The following DCHS2 variants were observed in gnomAD, a reference collection of about 807,000 sequenced individuals.
DCHS2 encodes protocadherin-23.
In DCHS2, 142 loss-of-function variants were observed where a neutral mutation model predicts 182.4. The observed-to-expected ratio is 0.78, with a 90% confidence interval of 0.68 to 0.89. The LOEUF (loss-of-function observed/expected upper bound fraction) is 0.89, where lower values mean the gene tolerates loss of function less well. Among genes scored for constraint, DCHS2 ranks in the 40% least tolerant of loss-of-function variants. The pLI is 0.00. For missense variants in DCHS2, 4,319 were observed against 4,198.6 expected (o/e 1.03, Z -0.79); for synonymous variants, 1,740 against 1,663.3 (o/e 1.05, Z -1.12).
At chr4:154,413,759 C>G (rs1732720827) in intron 1 of DCHS2, among the ~76,000 whole-genome samples, 1 of 152,202 alleles carries the variant, frequency 6.6e-6, no homozygotes, top group Admixed American at 6.5e-5. Flanking sequence ...CTTACCTGGC[C>G]TCCCTGTCCT....
rs139235484 is a variant in DCHS2, at chr4:154,234,645, G to C, written c.10007C>G (p.Thr3336Arg). 7 of 1,614,006 alleles carry C rather than the reference G, an allele frequency of 4.3e-6. No homozygotes were observed. The highest frequency in any genetic ancestry group is 5.9e-6 in the Non-Finnish European group (7 of 1,179,944). Residue 3336 changes from threonine (T) to arginine (R), a missense_variant, in exon 20 of 20, where the codon ACG becomes AGG. Physicochemically the swap from Thr to Arg is moderately conservative, Grantham distance 71. Transcript: ENST00000357232. ...TGGAGACAAGGCAGGAGGCTGCATC[G>C]TCAATAGGGAAAGAGATGGAGAAAA... ...PNFSPSLSLL[T>R]MQPPALSPLL...
Position 154,491,487 on chromosome 4 carries a change from C to T in DCHS2, c.-132G>A. On this transcript the variant is annotated 5_prime_UTR_variant, in exon 1 of 20. Transcript: ENST00000357232. ...TTTGTTTGGCAAACAAACCGACGGCCCAGGAATTCCCGAGGTTACATCTGC... is the reference window on the plus strand; with the variant it reads ...TTTGTTTGGCAAACAAACCGACGGCTCAGGAATTCCCGAGGTTACATCTGC... 7.1e-7 allele frequency: 1 copy of T among 1,406,680 alleles called. No individual in the cohort carries two copies. Among genetic ancestry groups the T allele is most frequent in the Non-Finnish European group, 9.2e-7 (1 of 1,086,156 alleles). 87.1% of individuals were successfully genotyped at this position (1,406,680 alleles called of 1,614,324 possible).
intron 1 of DCHS2, among the ~76,000 whole-genome samples, chr4:154,447,532 GT>G (rs1734352693): frequency 6.6e-6 from 1 of 152,052 alleles, no homozygotes; most frequent in African/African-American, 2.4e-5. Flanking sequence ...TATCTTTAGG[GT>G]TTTTGATATT....
Position 154,304,831 on chromosome 4 carries a change from T to C in DCHS2, c.5443A>G (p.Ile1815Val). ...TTTTCATCTTCAACAGTGCAGAGGA[T>C]TGTTGTGGTGCTGGACAATGAAGGG... ...GFPSLSSTTT[I>V]LCTVEDENDH... The change falls in exon 12 of 20, where the codon ATC becomes GTC. Residue 1815 changes from isoleucine (I) to valine (V), a missense_variant. Coordinates refer to ENST00000357232, the MANE Select transcript of DCHS2 (RefSeq NM_001358235.2). The C allele has an allele frequency of 6.2e-7, 1 of 1,613,744 alleles. No homozygotes were observed. Among genetic ancestry groups the C allele is most frequent in the African/African-American group, 1.3e-5 (1 of 74,998 alleles).
chr4:154,382,689 A>G (rs781585114), intron 1 of DCHS2, among the ~76,000 whole-genome samples: 1 of 152,202 alleles, frequency 6.6e-6, no homozygotes, highest in Non-Finnish European at 1.5e-5. Context: ...GGCAAAAGAC[A>G]TTAACAGACA....
intron 10 of DCHS2, among the ~76,000 whole-genome samples, chr4:154,307,874 A>C (rs1247024158): frequency 6.6e-6 from 1 of 152,122 alleles, no homozygotes; most frequent in East Asian, 1.9e-4. Flanking sequence ...TCCCAGAGAG[A>C]AAGGAGGCAT....
chr4:154,367,896 G>A (rs1010908549), intron 2 of DCHS2, among the ~76,000 whole-genome samples: 1 of 150,780 alleles, frequency 6.6e-6, no homozygotes, highest in African/African-American at 2.4e-5. Flanking sequence ...AGGAAGGTAA[G>A]ACAAACCCAG....
At chr4:154,271,002 G>T (rs1733564338) in intron 13 of DCHS2, among the ~76,000 whole-genome samples, 1 of 152,092 alleles carries the variant, frequency 6.6e-6, no homozygotes, top group Admixed American at 6.6e-5. Flanking sequence ...AATTCAGTTA[G>T]GTATAGGAAT....
chr4:154,450,801 A>G (rs1280700789), intron 1 of DCHS2, among the ~76,000 whole-genome samples: 1 of 152,092 alleles, frequency 6.6e-6, no homozygotes, highest in African/African-American at 2.4e-5. Flanking sequence ...CAGCCTGGGC[A>G]ACAAGAGTGA....
At position 154,489,499 on chromosome 4, in the gene DCHS2, C is replaced by T. The variant is rs760541474; in HGVS notation, c.1857G>A (p.Arg619=). The T allele has an allele frequency of 8.4e-6, 13 of 1,551,532 alleles. No individual in the cohort carries two copies. The East Asian group carries it at 2.2e-4, about 26-fold the overall frequency. ...DSESGAISTI[R]TLDREVQEAV... ...CCTCCTGGACCTCTCGGTCTAGAGT[C>T]CGGATAGTGCTGATCGCACCGCTTT... The change falls in exon 1 of 20, where the codon CGG becomes CGA. Residue 619 remains arginine, a synonymous_variant. Coordinates refer to ENST00000357232, the MANE Select transcript of DCHS2 (RefSeq NM_001358235.2).
chr4:154,298,124 C>T lies in DCHS2; in HGVS notation c.6190G>A (p.Asp2064Asn), dbSNP rs145643489. 482 of 1,614,010 alleles carry T rather than the reference C, an allele frequency of 3.0e-4. 2 individuals carry two copies. Among genetic ancestry groups the T allele is most frequent in the Middle Eastern group, 9.9e-4 (6 of 6,084 alleles). ...GTTCCATTGGGCCCCAAGTCCAGGT[C>T]ATCAGCTCTCACAATGACAGTTGTC... ...NQTTVIVRADDLDLGPNGTVV... is the reference protein window; with the variant it reads ...NQTTVIVRADNLDLGPNGTVV... Residue 2064 changes from aspartate to asparagine, a missense_variant, in exon 13 of 20, where the codon GAC becomes AAC. Physicochemically the swap from Asp to Asn is conservative, Grantham distance 23. Coordinates refer to ENST00000357232, the MANE Select transcript of DCHS2 (RefSeq NM_001358235.2).
intron 1 of DCHS2, among the ~76,000 whole-genome samples, chr4:154,400,787 C>CTT (rs1213914768): frequency 6.6e-6 from 1 of 152,142 alleles, no homozygotes; most frequent in Admixed American, 6.5e-5. Context: ...CACATTCGCT[C>CTT]TTTTTTTACC....
Position 154,236,308 on chromosome 4 carries a change from G to A in DCHS2, c.8344C>T (p.Leu2782=), listed in dbSNP as rs2111085209. The A allele has an allele frequency of 1.9e-6, 3 of 1,614,048 alleles. No homozygotes were observed. The highest frequency in any genetic ancestry group is 2.5e-6 in the Non-Finnish European group (3 of 1,179,960). The change falls in exon 20 of 20, where the codon CTG becomes TTG. Residue 2782 remains leucine (L), a synonymous_variant. Transcript: ENST00000357232. Reference sequence around the variant, plus strand: ...GAGCATATGGTAGAGGAAATAGGCAGATTTTCTGGAACAATACAGCTGAAG... The same window carrying A: ...GAGCATATGGTAGAGGAAATAGGCAAATTTTCTGGAACAATACAGCTGAAG... ...SSFSCIVPEN[L]PISSTICSIN...
intron 2 of DCHS2, chr4:154,373,870 A>T: frequency 6.8e-7 from 1 of 1,473,476 alleles, no homozygotes; most frequent in Non-Finnish European, 9.3e-7. Context: ...ACCCATTTCC[A>T]GGCACCAGAT....
At chr4:154,460,027 G>T (rs1734948096) in intron 1 of DCHS2, among the ~76,000 whole-genome samples, 1 of 152,108 alleles carries the variant, frequency 6.6e-6, no homozygotes, top group Non-Finnish European at 1.5e-5. Context: ...GAATAGCTCA[G>T]CAATACCAAG....
chr4:154,286,025 G>C (rs1734378394), intron 13 of DCHS2, among the ~76,000 whole-genome samples: 1 of 152,130 alleles, frequency 6.6e-6, no homozygotes, highest in African/African-American at 2.4e-5. Context: ...TCAGCACAGA[G>C]CAAAAGAATT....
At position 154,328,109 on chromosome 4, in the gene DCHS2, T is replaced by A. The variant is rs1404044340; in HGVS notation, c.4002A>T (p.Thr1334=). ...DPDEGNNAEV[T]YSVSSEDSSD... ...AAGTTTTACCTGAAGATACTGAGTA[T>A]GTAACTTCTGCATTATTTCCTTCAT... Residue 1334 remains threonine, a synonymous_variant, in exon 7 of 20, where the codon ACA becomes ACT. Coordinates refer to ENST00000357232, the MANE Select transcript of DCHS2 (RefSeq NM_001358235.2). 1.9e-6 allele frequency: 3 copies of A among 1,605,990 alleles called. No individual in the cohort carries two copies. The Admixed American group carries it at 5.1e-5, about 27-fold the overall frequency.
intron 13 of DCHS2, among the ~76,000 whole-genome samples, chr4:154,294,156 T>C (rs578167058): frequency 6.6e-6 from 1 of 152,308 alleles, no homozygotes; most frequent in South Asian, 2.1e-4. Flanking sequence ...GTAATCATGA[T>C]GGTGAAATGC....
chr4:154,491,211 A>C lies in DCHS2; in HGVS notation c.145T>G (p.Trp49Gly), dbSNP rs562977186. The part of the protein sequence containing the change: ...SGARTQRSLL[W>G]LLVHVWLWAA... ...CACAGCCACACGTGCACCAAGAGCC[A>C]GAGCAGGGAGCGCTGCGTCCTGGCG... The change falls in exon 1 of 20, where the codon TGG becomes GGG. Residue 49 changes from tryptophan (W) to glycine (G), a missense_variant. Physicochemically the swap from Trp to Gly is radical, Grantham distance 184 (BLOSUM62 -2). Transcript: ENST00000357232. 1.6e-4 allele frequency: 250 copies of C among 1,551,434 alleles called. No individual in the cohort carries two copies. The highest frequency in any genetic ancestry group is 1.1e-4 in the African/African-American group (8 of 73,164).
Sources: allele counts gnomAD v4.1 joint callset (sites outside exome capture counted in the v4.1 genomes callset), GRCh38; gene constraint gnomAD v4.1.1; transcripts MANE v1.5; gene names NCBI Gene and HGNC (gene_info 2026-07-23, HGNC 2026-07-21).